The following WFDC11 variants were observed in gnomAD, a reference collection of about 807,000 sequenced individuals.
WFDC11 encodes WAP four-disulfide core domain 11.
WFDC11 carries 9 observed loss-of-function variants against 9.9 expected under a neutral mutation model. The observed-to-expected ratio is 0.91, with a 90% CI of 0.55 to 1.58. The LOEUF is 1.58. Ranked by LOEUF, WFDC11 falls within the 40% of genes most tolerant of loss-of-function variation. WFDC11 has a pLI of 0.00. For synonymous variants in WFDC11, 32 were observed against 33.3 expected (o/e 0.96, Z 0.13); for missense variants, 106 against 101.7 (o/e 1.04, Z -0.18).
chr20:45,659,555 G>A (rs187151606), intron 2 of WFDC11, among the ~76,000 whole-genome samples: 8 of 152,120 alleles, frequency 5.3e-5, no homozygotes, highest in African/African-American at 1.9e-4. Context: ...TTTTTGATGG[G>A]GTTGTTTGGT....
intron 2 of WFDC11, among the ~76,000 whole-genome samples, chr20:45,658,034 T>G (rs1471977283): frequency 6.6e-6 from 1 of 152,206 alleles, no homozygotes; most frequent in Non-Finnish European, 1.5e-5. Context: ...AATGACTTTT[T>G]GAAAACTATT....
At chr20:45,651,708 G>A (rs565760281) in intron 2 of WFDC11, among the ~76,000 whole-genome samples, 9 of 150,112 alleles carry the variant, frequency 6.0e-5, no homozygotes, top group South Asian at 4.2e-4. Flanking sequence ...GGTGACAGAC[G>A]GCACCTGGAA....
rs777501277 is a variant in WFDC11, at chr20:45,649,389, C to A, written c.111G>T (p.Leu37Phe). 9 of 1,613,892 alleles carry A rather than the reference C, an allele frequency of 5.6e-6. No individual in the cohort carries two copies. Among genetic ancestry groups the A allele is most frequent in the Admixed American group, 5.0e-5 (3 of 60,012 alleles). Residue 37 changes from leucine to phenylalanine, a missense_variant, in exon 4 of 5, where the codon TTG becomes TTT. Transcript: ENST00000324384. ...MRKKRYDRKE[L>F]LLEECWGKPN... is the part of the protein sequence containing the mutation. Reference sequence around the variant, plus strand: ...GCTTTCCCCAGCATTCTTCAAGTAACAATTCCTTCCCTGAAATTGAGATGA... The same window carrying A: ...GCTTTCCCCAGCATTCTTCAAGTAAAAATTCCTTCCCTGAAATTGAGATGA...
intron 2 of WFDC11, among the ~76,000 whole-genome samples, chr20:45,665,876 T>C (rs1388250571): frequency 6.6e-6 from 1 of 152,086 alleles, no homozygotes. Flanking sequence ...TACACAGGGG[T>C]CAGGGACCCA....
intron 2 of WFDC11, among the ~76,000 whole-genome samples, chr20:45,662,700 C>G (rs1426833978): frequency 6.6e-6 from 1 of 152,114 alleles, no homozygotes; most frequent in Non-Finnish European, 1.5e-5. Context: ...GTCTTTGGTT[C>G]TGTTTATGTG....
At chr20:45,661,494 C>G (rs6065855) in intron 2 of WFDC11, among the ~76,000 whole-genome samples, 1 of 152,074 alleles carries the variant, frequency 6.6e-6, no homozygotes, top group Non-Finnish European at 1.5e-5. Flanking sequence ...TCCTTGCCCA[C>G]GCCTATGTCC....
At chr20:45,662,596 A>G (rs968674299) in intron 2 of WFDC11, among the ~76,000 whole-genome samples, 2 of 152,248 alleles carry the variant, frequency 1.3e-5, no homozygotes, top group Non-Finnish European at 2.9e-5. Context: ...ACGTCCCATC[A>G]ATAGCAAATT....
rs1460404386 is a variant in WFDC11, at chr20:45,648,567, G to C, written c.*152C>G. Reference sequence around the variant, plus strand: ...GCTGAAAAAAGGCAAGGCCACTACTGGTAAATAAGTTTATTTGTCAAGTGT... The same window carrying C: ...GCTGAAAAAAGGCAAGGCCACTACTCGTAAATAAGTTTATTTGTCAAGTGT... On this transcript the variant is annotated 3_prime_UTR_variant, in exon 5 of 5. Transcript: ENST00000324384. 1 of 788,108 alleles carries C rather than the reference G, an allele frequency of 1.3e-6. No homozygotes were observed. The highest frequency in any genetic ancestry group is 1.8e-5 in the South Asian group (1 of 55,948). The allele number at this position is 788,108 out of a possible 1,614,324, so 48.8% of individuals were successfully genotyped here.
At chr20:45,653,496 A>G (rs1203950011) in intron 2 of WFDC11, among the ~76,000 whole-genome samples, 1 of 152,242 alleles carries the variant, frequency 6.6e-6, no homozygotes, top group Non-Finnish European at 1.5e-5. Flanking sequence ...TGTAAAGACC[A>G]TCGAGACTAG....
intron 1 of WFDC11, among the ~76,000 whole-genome samples, chr20:45,669,131 C>T (rs1983244681): frequency 1.3e-5 from 2 of 152,248 alleles, no homozygotes; most frequent in South Asian, 2.1e-4. Flanking sequence ...TGTCTAGTGT[C>T]ACAATCACAG....
At chr20:45,653,604 C>G (rs1982858335) in intron 2 of WFDC11, among the ~76,000 whole-genome samples, 2 of 151,938 alleles carry the variant, frequency 1.3e-5, no homozygotes, top group Admixed American at 1.3e-4. Flanking sequence ...TGTAAATGGG[C>G]TAAATGCTCC....
At position 45,652,181 on chromosome 20, in the gene WFDC11, C is replaced by G. The variant is rs6032410; in HGVS notation, c.-51-1530G>C. ...CCGAGTAGCCTAACTGGGAGGCACT[C>G]CCCAGTAGGGCAGACTGACACCTCA... On this transcript the variant is annotated intron_variant, in intron 2 of 4. Coordinates refer to ENST00000324384, the MANE Select transcript of WFDC11 (RefSeq NM_147197.2). Among the ~76,000 whole-genome samples the G allele has an allele frequency of 6.2e-3, 938 of 152,308 alleles. 7 individuals carry two copies. Among genetic ancestry groups the G allele is most frequent in the African/African-American group, 0.019 (791 of 41,564 alleles).
At chr20:45,667,278 A>G (rs1364327943) in intron 1 of WFDC11, 109 bp from the exon 2 acceptor site, 1 of 152,234 alleles carries the variant, frequency 6.6e-6, no homozygotes, top group Non-Finnish European at 1.5e-5. Context: ...AGTTGGGTAC[A>G]TATAGAACAT....
chr20:45,655,112 T>G (rs1239540613), intron 2 of WFDC11, among the ~76,000 whole-genome samples: 1 of 152,190 alleles, frequency 6.6e-6, no homozygotes, highest in Non-Finnish European at 1.5e-5. Context: ...TACCAAAGGC[T>G]GGCAGAGACA....
At chr20:45,667,407 G>T (rs950231720) in intron 1 of WFDC11, among the ~76,000 whole-genome samples, 15 of 152,306 alleles carry the variant, frequency 9.8e-5, no homozygotes, top group African/African-American at 3.4e-4. Flanking sequence ...CACAAGTCTG[G>T]CTGATTGTGG....
intron 2 of WFDC11, among the ~76,000 whole-genome samples, chr20:45,650,934 G>C (rs6073832): frequency 6.6e-6 from 1 of 152,094 alleles, no homozygotes; most frequent in African/African-American, 2.4e-5. Flanking sequence ...GTTTATTTTA[G>C]GTTTGGGGTA....
chr20:45,654,822 G>T (rs1982887437), intron 2 of WFDC11, among the ~76,000 whole-genome samples: 1 of 152,182 alleles, frequency 6.6e-6, no homozygotes. Context: ...AAGTAAACTA[G>T]AAAATCTAGA....
chr20:45,661,072 G>A (rs1240740922), intron 2 of WFDC11, among the ~76,000 whole-genome samples: 1 of 152,126 alleles, frequency 6.6e-6, no homozygotes, highest in Non-Finnish European at 1.5e-5. Context: ...ATCCTCTCCA[G>A]CACCTATTGT....
intron 2 of WFDC11, among the ~76,000 whole-genome samples, chr20:45,661,739 G>C (rs374893214): frequency 5.3e-5 from 8 of 151,988 alleles, no homozygotes; most frequent in Admixed American, 2.6e-4. Flanking sequence ...GATATGCGGC[G>C]TTATTACTGA....
Sources: allele counts gnomAD v4.1 joint callset (sites outside exome capture counted in the v4.1 genomes callset), GRCh38; gene constraint gnomAD v4.1.1; transcripts MANE v1.5; gene names NCBI Gene and HGNC (gene_info 2026-07-23, HGNC 2026-07-21).